Variants in MALRD1 observed in about 807,000 individuals in gnomAD.
MALRD1 encodes the protein MAM and LDL-receptor class A domain-containing protein 1.
In MALRD1, 247 loss-of-function variants were observed where a neutral mutation model predicts 242.1. The observed-to-expected ratio is 1.02, with a 90% CI of 0.92 to 1.13. MALRD1 has a LOEUF of 1.13. Ranked by LOEUF, MALRD1 falls within the 50% of genes most tolerant of loss-of-function variation. The pLI is 0.00. For synonymous variants in MALRD1, 995 were observed against 866.6 expected (o/e 1.15, Z -2.60); for missense variants, 2,989 against 2,533.1 (o/e 1.18, Z -3.86).
At chr10:19,470,549 T>C (rs745898625) in intron 29 of MALRD1, among the ~76,000 whole-genome samples, 4 of 152,012 alleles carry the variant, frequency 2.6e-5, no homozygotes, top group Non-Finnish European at 5.9e-5. Flanking sequence ...CCAACTTACA[T>C]TTTCACCAAC....
intron 19 of MALRD1, among the ~76,000 whole-genome samples, chr10:19,267,300 G>C (rs74121424): frequency 6.6e-6 from 1 of 151,858 alleles, no homozygotes; most frequent in East Asian, 1.9e-4. Flanking sequence ...TTTTCCCCAG[G>C]ATAACTGTTA....
intron 18 of MALRD1, among the ~76,000 whole-genome samples, chr10:19,227,516 C>T (rs1185552982): frequency 6.6e-6 from 1 of 151,778 alleles, no homozygotes; most frequent in Non-Finnish European, 1.5e-5. Context: ...AAGTATAAAG[C>T]TTACTGAATA....
At chr10:19,176,390 C>T (rs1253004144) in intron 14 of MALRD1, among the ~76,000 whole-genome samples, 5 of 44,862 alleles carry the variant, frequency 1.1e-4, no homozygotes, top group South Asian at 3.8e-4. Context: ...TTTTTTGAGA[C>T]GGAGTCTCGC....
chr10:19,679,059 A>C (rs919164059), intron 36 of MALRD1, among the ~76,000 whole-genome samples: 1 of 152,172 alleles, frequency 6.6e-6, no homozygotes, highest in Non-Finnish European at 1.5e-5. Context: ...TCAGTTTGCC[A>C]GTATTTTGTT....
At position 19,204,957 on chromosome 10, in the gene MALRD1, C is replaced by A; in HGVS notation, c.2270C>A (p.Ser757Tyr). The change falls in exon 17 of 40, where the codon TCT (serine) becomes TAT (tyrosine). Residue 757 changes from serine to tyrosine, a missense_variant. Ser to Tyr is a moderately radical substitution (Grantham distance 144). Transcript: ENST00000454679. ...AAELQLHMEN[S>Y]HDSTVIWRVL... is the part of the protein sequence containing the mutation. ...GAGCTGCAGCTACATATGGAAAATT[C>A]TCATGACTCAACAGTGATTTGGAGA... 6.4e-7 allele frequency: 1 copy of A among 1,550,558 alleles called. No individual in the cohort carries two copies. The highest frequency in any genetic ancestry group is 8.7e-7 in the Non-Finnish European group (1 of 1,146,892).
At chr10:19,237,862 A>T (rs1167741228) in intron 18 of MALRD1, among the ~76,000 whole-genome samples, 5 of 127,968 alleles carry the variant, frequency 3.9e-5, no homozygotes, top group African/African-American at 1.5e-4. Context: ...GTTATATATA[A>T]TTATATAGAA....
At chr10:19,584,871 T>G (rs1837308337) in intron 33 of MALRD1, among the ~76,000 whole-genome samples, 2 of 151,758 alleles carry the variant, frequency 1.3e-5, no homozygotes, top group South Asian at 2.1e-4. Context: ...AGTCTCTTTG[T>G]AGGTCACTCA....
chr10:19,609,972 G>C (rs1838820694), intron 35 of MALRD1, among the ~76,000 whole-genome samples: 1 of 151,786 alleles, frequency 6.6e-6, no homozygotes, highest in African/African-American at 2.4e-5. Context: ...TGATGATGAT[G>C]ATACAGCTTA....
chr10:19,569,532 C>G (rs943872878), intron 33 of MALRD1, among the ~76,000 whole-genome samples: 1 of 151,208 alleles, frequency 6.6e-6, no homozygotes, highest in Non-Finnish European at 1.5e-5. Context: ...CATTTGCTTT[C>G]TCAACTTCTT....
At chr10:19,459,623 G>A (rs933642736) in intron 29 of MALRD1, among the ~76,000 whole-genome samples, 76 of 151,914 alleles carry the variant, frequency 5.0e-4, no homozygotes, top group African/African-American at 1.8e-3. Flanking sequence ...AAAAGTCAAA[G>A]CCATGGATGA....
intron 32 of MALRD1, among the ~76,000 whole-genome samples, chr10:19,559,846 T>C (rs1835887108): frequency 6.6e-6 from 1 of 152,026 alleles, no homozygotes; most frequent in Non-Finnish European, 1.5e-5. Context: ...AACAGACACT[T>C]CTGAAAAGAA....
intron 28 of MALRD1, among the ~76,000 whole-genome samples, chr10:19,448,375 G>A (rs145309727): frequency 6.6e-6 from 1 of 152,176 alleles, no homozygotes; most frequent in African/African-American, 2.4e-5. Flanking sequence ...AAAATGCAAT[G>A]ACCCAGGACC....
At chr10:19,576,263 T>C (rs1254051940) in intron 33 of MALRD1, among the ~76,000 whole-genome samples, 4 of 152,220 alleles carry the variant, frequency 2.6e-5, no homozygotes, top group African/African-American at 9.6e-5. Flanking sequence ...AAATTGAAAG[T>C]GCTGGTTGGA....
chr10:19,602,345 C>T (rs556747588), intron 34 of MALRD1, among the ~76,000 whole-genome samples: 11 of 128,686 alleles, frequency 8.5e-5, no homozygotes, highest in Middle Eastern at 4.7e-3. Context: ...TCCCTCCCCC[C>T]TCCCCCCACC....
chr10:19,244,017 T>A (rs1838927302), intron 18 of MALRD1, among the ~76,000 whole-genome samples: 1 of 152,186 alleles, frequency 6.6e-6, no homozygotes, highest in African/African-American at 2.4e-5. Flanking sequence ...GTCCTATCCT[T>A]GAAATTAGCC....
At position 19,730,761 on chromosome 10, in the gene MALRD1, A is replaced by G; in HGVS notation, c.6370A>G (p.Ser2124Gly). 1 of 1,536,674 alleles carries G rather than the reference A, an allele frequency of 6.5e-7. No homozygotes were observed. Among genetic ancestry groups the G allele is most frequent in the South Asian group, 1.2e-5 (1 of 84,056 alleles). ...TGTCAATCCAGTTTACGGGAACTGG[A>G]GCAACCCAGAGAAAACAGAGGTAAG... Reference protein sequence around the residue: ...AFVNPVYGNWSNPEKTESSVY... With the variant: ...AFVNPVYGNWGNPEKTESSVY... Residue 2124 changes from serine (S) to glycine (G), a missense_variant, in exon 39 of 40, where the codon AGC becomes GGC. By Grantham distance (56) the Ser-to-Gly change is moderately conservative. Transcript: ENST00000454679.
intron 31 of MALRD1, among the ~76,000 whole-genome samples, chr10:19,513,511 G>A (rs1017119383): frequency 5.3e-5 from 8 of 151,310 alleles, no homozygotes; most frequent in Admixed American, 1.3e-4. Flanking sequence ...AGGCCGAGGC[G>A]GGCGGATCAC....
intron 36 of MALRD1, among the ~76,000 whole-genome samples, chr10:19,651,968 G>A (rs558856458): frequency 3.3e-5 from 5 of 152,338 alleles, no homozygotes; most frequent in African/African-American, 1.2e-4. Flanking sequence ...CCAAATTGAT[G>A]CCACAGAGCT....
At chr10:19,078,121 T>A (rs1393136276) in intron 2 of MALRD1, among the ~76,000 whole-genome samples, 3 of 151,710 alleles carry the variant, frequency 2.0e-5, no homozygotes, top group Non-Finnish European at 4.4e-5. Context: ...AAATTTTTTT[T>A]ATTTTTTTTG....
Sources: gnomAD v4.1 joint callset for allele counts (sites outside exome capture counted in the v4.1 genomes callset) on GRCh38, gnomAD v4.1.1 for gene constraint, MANE v1.5 for transcripts, NCBI Gene and HGNC (gene_info 2026-07-23, HGNC 2026-07-21) for gene names.